TAS2R1: variants seen among roughly 807,000 people sequenced by gnomAD.
The protein encoded by TAS2R1 is taste receptor type 2 member 1.
For missense variants in TAS2R1, 370 were observed against 353.4 expected (o/e 1.05, Z -0.38); for synonymous variants, 141 against 134.2 (o/e 1.05, Z -0.35).
the TAS2R1 span, among the ~76,000 whole-genome samples, chr5:9,836,185 T>C: frequency 6.6e-6 from 1 of 151,994 alleles, no homozygotes; most frequent in Non-Finnish European, 1.5e-5. Context: ...ACCTTCTGCT[T>C]GTGAGGCCTC....
the TAS2R1 span, chr5:9,854,384 G>A: frequency 2.6e-5 from 4 of 151,966 alleles, no homozygotes; most frequent in Admixed American, 1.3e-4. Flanking sequence ...CACATTCTGA[G>A]CTTCTGGGAG....
At chr5:9,701,656 G>A (rs1741486701) in intron 1 of TAS2R1, among the ~76,000 whole-genome samples, 1 of 152,200 alleles carries the variant, frequency 6.6e-6, no homozygotes, top group African/African-American at 2.4e-5. Context: ...GCATATCTAT[G>A]TGTATTGACT....
the TAS2R1 span, among the ~76,000 whole-genome samples, chr5:9,724,426 A>G: frequency 6.6e-6 from 1 of 151,530 alleles, no homozygotes; most frequent in Admixed American, 6.6e-5. Flanking sequence ...GAAATAGAAC[A>G]TAAATAGTAT....
the TAS2R1 span, among the ~76,000 whole-genome samples, chr5:9,857,288 G>A: frequency 6.6e-6 from 1 of 152,144 alleles, no homozygotes; most frequent in African/African-American, 2.4e-5. Context: ...ATGCCTAGAA[G>A]AATTGCAAGA....
chr5:9,870,582 AT>A, the TAS2R1 span, among the ~76,000 whole-genome samples: 1 of 152,236 alleles, frequency 6.6e-6, no homozygotes, highest in Non-Finnish European at 1.5e-5. Context: ...GGATACAAAG[AT>A]GGTTAAAACA....
At chr5:9,801,149 C>G in the TAS2R1 span, among the ~76,000 whole-genome samples, 1 of 152,216 alleles carries the variant, frequency 6.6e-6, no homozygotes, top group Non-Finnish European at 1.5e-5. Flanking sequence ...AGAGATCACA[C>G]TATTGCATTC....
At chr5:9,781,712 C>T in the TAS2R1 span, among the ~76,000 whole-genome samples, 1 of 152,220 alleles carries the variant, frequency 6.6e-6, no homozygotes, top group South Asian at 2.1e-4. Flanking sequence ...AGAATACTCC[C>T]TCTGCCTGGG....
the TAS2R1 span, among the ~76,000 whole-genome samples, chr5:9,856,267 G>A: frequency 3.7e-4 from 57 of 152,154 alleles, no homozygotes; most frequent in African/African-American, 9.2e-4. Flanking sequence ...TGCCTACCCC[G>A]AGAAATTCCT....
chr5:9,687,159 C>T (rs984830895), intron 1 of TAS2R1, among the ~76,000 whole-genome samples: 8 of 152,032 alleles, frequency 5.3e-5, no homozygotes, highest in Non-Finnish European at 1.0e-4. Context: ...CAAAATTAGA[C>T]AGAGTTTCTC....
intron 1 of TAS2R1, among the ~76,000 whole-genome samples, chr5:9,695,019 A>T (rs1389252811): frequency 6.6e-6 from 1 of 152,194 alleles, no homozygotes; most frequent in Non-Finnish European, 1.5e-5. Flanking sequence ...CACCTGGGTC[A>T]AATCCCAAGG....
the TAS2R1 span, among the ~76,000 whole-genome samples, chr5:9,796,922 A>T: frequency 0.014 from 2,148 of 152,116 alleles, 145 homozygotes; most frequent in East Asian, 0.21. Context: ...TAACCCAAAC[A>T]TGTTTCCCTT....
chr5:9,754,193 G>A, the TAS2R1 span, among the ~76,000 whole-genome samples: 1 of 152,116 alleles, frequency 6.6e-6, no homozygotes, highest in African/African-American at 2.4e-5. Flanking sequence ...AAAGGCCTTT[G>A]ACAAAATTCA....
the TAS2R1 span, chr5:9,862,984 G>A: frequency 2.0e-5 from 3 of 152,252 alleles, no homozygotes; most frequent in Non-Finnish European, 4.4e-5. Context: ...GAAAGATCTT[G>A]ACATGGCTGG....
chr5:9,674,918 G>A (rs1028197871), intron 1 of TAS2R1, among the ~76,000 whole-genome samples: 6 of 151,890 alleles, frequency 4.0e-5, no homozygotes, highest in African/African-American at 1.2e-4. Flanking sequence ...AAATAAAACT[G>A]TAGCTGACAT....
chr5:9,628,883 G>A lies in TAS2R1; in HGVS notation c.*250C>T, dbSNP rs1191519518. ...TTTTCCCAATGGTAACAACTTGCAC[G>A]ATGATAGTACAATATCACTACCAGG... is the stretch of plus-strand genomic sequence containing the variant. On this transcript the variant is annotated 3_prime_UTR_variant, in exon 1 of 1. Coordinates refer to ENST00000382492, the MANE Select transcript of TAS2R1 (RefSeq NM_019599.3). 1.2e-5 allele frequency: 4 copies of A among 344,938 alleles called. No individual in the cohort carries two copies. The highest frequency in any genetic ancestry group is 2.1e-5 in the Non-Finnish European group (4 of 192,936). The allele number at this position is 344,938 out of a possible 1,614,324, so 21.4% of individuals were successfully genotyped here.
chr5:9,786,402 T>G, the TAS2R1 span, among the ~76,000 whole-genome samples: 1 of 152,196 alleles, frequency 6.6e-6, no homozygotes, highest in Non-Finnish European at 1.5e-5. Context: ...TGCTGTAAAC[T>G]TTGGTACACA....
chr5:9,819,559 A>C, the TAS2R1 span, among the ~76,000 whole-genome samples: 6 of 152,194 alleles, frequency 3.9e-5, no homozygotes. Flanking sequence ...TAGTGCAGAG[A>C]CATAATTTCA....
In TAS2R1 at chr5:9,691,254, C is replaced by G. The variant is rs530453252; in HGVS notation, c.-242+20918G>C. On this transcript the variant is annotated intron_variant, in intron 1 of 2. Coordinates refer to the TAS2R1 transcript ENST00000506620. ...GGCCCTGTGAAGACAGAGGCAAAGA[C>G]TGAAGTGATGCAGCCTTGGGCCAAG... Among the ~76,000 whole-genome samples the G allele has an allele frequency of 2.0e-5, 3 of 152,350 alleles. No homozygotes were observed. The South Asian group carries it at 6.2e-4, about 32-fold the overall frequency.
chr5:9,840,477 T>C, the TAS2R1 span, among the ~76,000 whole-genome samples: 2 of 152,346 alleles, frequency 1.3e-5, no homozygotes, highest in East Asian at 3.9e-4. Context: ...GCATGCACTC[T>C]TCTTGACTAT....
Sources: gnomAD v4.1 joint callset for allele counts (sites outside exome capture counted in the v4.1 genomes callset) on GRCh38, gnomAD v4.1.1 for gene constraint, MANE v1.5 for transcripts, NCBI Gene and HGNC (gene_info 2026-07-23, HGNC 2026-07-21) for gene names.